CNST: variants seen among roughly 807,000 people sequenced by gnomAD.
CNST encodes consortin.
A neutral mutation model predicts 72.4 loss-of-function variants in CNST; 39 were observed. The observed-to-expected ratio is 0.54, with a 90% confidence interval of 0.42 to 0.70. The LOEUF (loss-of-function observed/expected upper bound fraction) is 0.70, where lower values mean the gene tolerates loss of function less well. Among genes scored for constraint, CNST ranks in the 30% least tolerant of loss-of-function variants. The pLI is 0.00. For synonymous variants in CNST, 332 were observed against 320.1 expected, an observed-to-expected ratio of 1.04 and a Z score of -0.40; for missense variants, 871 against 868.5, an observed-to-expected ratio of 1.00 and a Z score of -0.04.
chr1:246,622,027 A>G (rs994292244), intron 3 of CNST, among the ~76,000 whole-genome samples: 9 of 152,210 alleles, frequency 5.9e-5, no homozygotes, highest in Admixed American at 3.3e-4. Context: ...AAAATAAAAA[A>G]TAAAATGCAA....
chr1:246,636,295 G>A (rs6669607), intron 6 of CNST, among the ~76,000 whole-genome samples: 4,574 of 152,094 alleles, frequency 0.03, 204 homozygotes, highest in African/African-American at 0.1. Context: ...TATGCACGCC[G>A]TCCCTCTTAC....
chr1:246,621,467 A>G lies in CNST; in HGVS notation c.418A>G (p.Lys140Glu), dbSNP rs773196569. The G allele has an allele frequency of 1.9e-6, 3 of 1,614,202 alleles. No individual in the cohort carries two copies. The highest frequency in any genetic ancestry group is 2.5e-6 in the Non-Finnish European group (3 of 1,180,044). The change falls in exon 3 of 11, where the codon AAA becomes GAA. Residue 140 changes from lysine to glutamate, a missense_variant. By Grantham distance (56) the Lys-to-Glu change is moderately conservative (BLOSUM62 1). Transcript: ENST00000366513. ...SGDIAPLMQE[K>E]VLSAVTYAVD... Reference sequence around the variant, plus strand: ...AGATATTGCACCTTTAATGCAAGAAAAAGTACTAAGCGCAGTCACATATGC... The same window carrying G: ...AGATATTGCACCTTTAATGCAAGAAGAAGTACTAAGCGCAGTCACATATGC...
rs148462516 is a variant in CNST at position 246,591,652 on chromosome 1, C to T, written c.90C>T (p.Thr30=). ...HPGDSVERSV[T]CLPSASDENE... ...GTGACAGCGTGGAAAGGAGTGTGAC[C>T]TGTCTGCCTTCTGCATCAGATGAAA... Residue 30 remains threonine (T), a synonymous_variant, in exon 2 of 11, where the codon ACC becomes ACT. Coordinates refer to ENST00000366513, the MANE Select transcript of CNST (RefSeq NM_152609.3). 98 of 1,614,184 alleles carry T rather than the reference C, an allele frequency of 6.1e-5. No homozygotes were observed. In the East Asian group the frequency reaches 2.0e-3, roughly 33 times the overall value.
chr1:246,656,986 A>G lies in CNST; in HGVS notation c.1837-3213A>G, dbSNP rs138159754. 2.7e-3 allele frequency among the ~76,000 whole-genome samples: 414 copies of G among 152,318 alleles called. 3 individuals are homozygous for G. Among genetic ancestry groups the G allele is most frequent in the African/African-American group, 9.1e-3 (379 of 41,574 alleles). ...TAGTTTGGAGGGAACACATTGCTCT[A>G]TGCCCTAAATCAGCAGCCCAGTGTA... On this transcript the variant is annotated intron_variant, in intron 9 of 10. Transcript: ENST00000366513.
rs115614937 is a variant in CNST at position 246,582,931 on chromosome 1, G to A, written c.-51-8581G>A. On this transcript the variant is annotated intron_variant, in intron 1 of 10. Coordinates refer to ENST00000366513, the MANE Select transcript of CNST (RefSeq NM_152609.3). The stretch of plus-strand genomic sequence containing the variant: ...CAAGGCAGCTCAGCAGATTGAAGGT[G>A]CCTGGGGCCAGCACTCATTCGCCCT... Among the ~76,000 whole-genome samples the A allele has an allele frequency of 4.3e-3, 653 of 152,306 alleles. 5 individuals are homozygous for A. Among genetic ancestry groups the A allele is most frequent in the African/African-American group, 0.015 (617 of 41,580 alleles).
At chr1:246,643,849 G>C (rs1366177400) in intron 8 of CNST, among the ~76,000 whole-genome samples, 1 of 152,128 alleles carries the variant, frequency 6.6e-6, no homozygotes, top group African/African-American at 2.4e-5. Flanking sequence ...TTATGGTGGA[G>C]TTTTTTTCCC....
At chr1:246,575,140 C>T (rs1264061302) in intron 1 of CNST, among the ~76,000 whole-genome samples, 1 of 152,066 alleles carries the variant, frequency 6.6e-6, no homozygotes, top group Non-Finnish European at 1.5e-5. Context: ...ATTACAGGCA[C>T]CCGCCGCCAA....
chr1:246,611,927 G>T (rs114917759), intron 2 of CNST, among the ~76,000 whole-genome samples: 21 of 152,320 alleles, frequency 1.4e-4, no homozygotes, highest in African/African-American at 4.1e-4. Context: ...TACACGCTAC[G>T]TATGGTTGGA....
chr1:246,605,121 TGAA>T (rs1294780247), intron 2 of CNST, among the ~76,000 whole-genome samples: 1 of 152,266 alleles, frequency 6.6e-6, no homozygotes, highest in African/African-American at 2.4e-5. Flanking sequence ...TGATAGTTGA[TGAA>T]TTCAGTGTGC....
chr1:246,657,206 C>T (rs1257765261), intron 9 of CNST, among the ~76,000 whole-genome samples: 2 of 152,134 alleles, frequency 1.3e-5, no homozygotes, highest in Non-Finnish European at 2.9e-5. Context: ...GCCCAAAACT[C>T]TCGCAAAAAT....
At position 246,647,147 on chromosome 1, in the gene CNST, A is replaced by G; in HGVS notation, c.946A>G (p.Thr316Ala). 6.2e-7 allele frequency: 1 copy of G among 1,608,606 alleles called. No homozygotes were observed. The highest frequency in any genetic ancestry group is 1.7e-5 in the Admixed American group (1 of 58,422). Residue 316 changes from threonine to alanine, a missense_variant, in exon 9 of 11, where the codon ACT becomes GCT. Physicochemically the swap from Thr to Ala is moderately conservative, Grantham distance 58. Transcript: ENST00000366513. ...GATTKESESK[T>A]CLGTESSKES... ...TTTTTCTTCATCTTTAGAGAGTAAA[A>G]CTTGTCTCGGCACAGAGTCAAGTAA... is the stretch of plus-strand genomic sequence containing the variant.
chr1:246,587,626 A>G (rs1661278759), intron 1 of CNST, among the ~76,000 whole-genome samples: 1 of 152,210 alleles, frequency 6.6e-6, no homozygotes, highest in Non-Finnish European at 1.5e-5. Flanking sequence ...TCTTTTGTTT[A>G]TTTAAGTAAA....
At chr1:246,612,333 C>T (rs1473970453) in intron 2 of CNST, among the ~76,000 whole-genome samples, 1 of 152,198 alleles carries the variant, frequency 6.6e-6, no homozygotes, top group Non-Finnish European at 1.5e-5. Context: ...TCCCAAGTAG[C>T]TGGGATTACA....
At chr1:246,592,081 G>T in intron 2 of CNST, 140 bp downstream of exon 2, 1 of 646,360 alleles carries the variant, frequency 1.5e-6, no homozygotes. Context: ...AGCACAAGTA[G>T]ATCCAACTGC....
intron 6 of CNST, among the ~76,000 whole-genome samples, chr1:246,636,888 T>A (rs941345490): frequency 6.6e-6 from 1 of 152,152 alleles, no homozygotes; most frequent in African/African-American, 2.4e-5. Flanking sequence ...CTTTCCTCTG[T>A]GGTGGAAAGA....
chr1:246,577,738 T>A (rs1020571640), intron 1 of CNST, among the ~76,000 whole-genome samples: 1 of 152,158 alleles, frequency 6.6e-6, no homozygotes, highest in Non-Finnish European at 1.5e-5. Context: ...GTGGAAAGGC[T>A]AGGTTAAAAT....
chr1:246,595,351 C>T (rs1572144241), intron 2 of CNST, among the ~76,000 whole-genome samples: 1 of 152,154 alleles, frequency 6.6e-6, no homozygotes, highest in South Asian at 2.1e-4. Flanking sequence ...ATCCATCACC[C>T]GGTCTGAGTA....
At chr1:246,580,334 A>G (rs1660702271) in intron 1 of CNST, among the ~76,000 whole-genome samples, 1 of 152,218 alleles carries the variant, frequency 6.6e-6, no homozygotes, top group Non-Finnish European at 1.5e-5. Context: ...AAATGAATGC[A>G]TGAAATACTG....
chr1:246,571,460 TA>T (rs1660062913), intron 1 of CNST, among the ~76,000 whole-genome samples: 1 of 152,204 alleles, frequency 6.6e-6, no homozygotes, highest in Admixed American at 6.5e-5. Flanking sequence ...AAATGGTTTT[TA>T]TCTTAGTTTT....
Sources: allele counts gnomAD v4.1 joint callset (sites outside exome capture counted in the v4.1 genomes callset), GRCh38; gene constraint gnomAD v4.1.1; transcripts MANE v1.5; gene names NCBI Gene and HGNC (gene_info 2026-07-23, HGNC 2026-07-21).